Variants in NXPE2 observed in about 807,000 individuals in gnomAD.
NXPE2 encodes the protein NXPE family member 2.
NXPE2 carries 34 observed loss-of-function variants against 34.4 expected under a neutral mutation model. The ratio of observed to expected loss-of-function variants is 0.99; its 90% confidence interval spans 0.75 to 1.31. The LOEUF is 1.31. NXPE2 is among the 40% of genes most tolerant of loss of function. NXPE2 has a pLI of 0.00. For missense variants in NXPE2, 649 were observed against 672.5 expected, an observed-to-expected ratio of 0.97 and a Z score of 0.39; for synonymous variants, 235 against 231.3, an observed-to-expected ratio of 1.02 and a Z score of -0.15.
chr11:114,497,446 A>G, the NXPE2 span, among the ~76,000 whole-genome samples: 1 of 152,184 alleles, frequency 6.6e-6, no homozygotes. Flanking sequence ...AGTACCCTAT[A>G]CAGGTGTACC....
the NXPE2 span, among the ~76,000 whole-genome samples, chr11:114,641,199 G>A: frequency 6.6e-6 from 1 of 151,630 alleles, no homozygotes; most frequent in Non-Finnish European, 1.5e-5. Flanking sequence ...TAATCAAGAA[G>A]GAATATAGAG....
At chr11:114,495,601 CAGCTG>C in the NXPE2 span, among the ~76,000 whole-genome samples, 3 of 151,906 alleles carry the variant, frequency 2.0e-5, no homozygotes, top group African/African-American at 7.3e-5. Flanking sequence ...ATAGCCACCA[CAGCTG>C]AGAATGTGCT....
chr11:114,662,850 T>A, the NXPE2 span, among the ~76,000 whole-genome samples: 2 of 152,158 alleles, frequency 1.3e-5, no homozygotes, highest in Non-Finnish European at 2.9e-5. Flanking sequence ...GCAACAGTTA[T>A]CACCTGCTAT....
the NXPE2 span, among the ~76,000 whole-genome samples, chr11:114,510,429 C>T: frequency 6.6e-6 from 1 of 152,104 alleles, no homozygotes; most frequent in Non-Finnish European, 1.5e-5. Context: ...AGAGATGGGT[C>T]TCCCTTTGTT....
the NXPE2 span, among the ~76,000 whole-genome samples, chr11:114,764,069 G>C: frequency 6.6e-6 from 1 of 152,134 alleles, no homozygotes; most frequent in Non-Finnish European, 1.5e-5. Context: ...TTTATACCTA[G>C]TAACTCCTGT....
the NXPE2 span, among the ~76,000 whole-genome samples, chr11:114,737,519 A>T: frequency 6.6e-6 from 1 of 152,208 alleles, no homozygotes; most frequent in Non-Finnish European, 1.5e-5. Flanking sequence ...ACAGTGTGCC[A>T]GTCACTCAGC....
chr11:114,584,733 C>G, the NXPE2 span: 2 of 152,866 alleles, frequency 1.3e-5, no homozygotes, highest in Non-Finnish European at 2.9e-5. Context: ...TGCCTAGTCC[C>G]CAATCTTTCT....
chr11:114,712,892 G>C, the NXPE2 span, among the ~76,000 whole-genome samples: 1 of 152,160 alleles, frequency 6.6e-6, no homozygotes, highest in Non-Finnish European at 1.5e-5. Context: ...TCCATCAACA[G>C]GTGAATAGAT....
the NXPE2 span, among the ~76,000 whole-genome samples, chr11:114,787,148 G>C: frequency 6.6e-6 from 1 of 151,992 alleles, no homozygotes; most frequent in Non-Finnish European, 1.5e-5. Context: ...TTATCAAGTT[G>C]AGAGAGGACA....
chr11:114,507,291 C>T, the NXPE2 span, among the ~76,000 whole-genome samples: 31 of 149,162 alleles, frequency 2.1e-4, no homozygotes, highest in African/African-American at 5.4e-4. Context: ...ACAGATTCAT[C>T]GGTGAATTCT....
chr11:114,806,859 TGAGAA>T, the NXPE2 span, among the ~76,000 whole-genome samples: 2 of 151,912 alleles, frequency 1.3e-5, no homozygotes, highest in Non-Finnish European at 2.9e-5. Context: ...AGATACTCCT[TGAGAA>T]GAGCAACTCC....
the NXPE2 span, among the ~76,000 whole-genome samples, chr11:114,533,516 C>T: frequency 2.6e-5 from 4 of 152,182 alleles, no homozygotes; most frequent in Non-Finnish European, 5.9e-5. Flanking sequence ...CACAAGCGGT[C>T]AGGGAATTTC....
chr11:114,503,615 T>C, the NXPE2 span, among the ~76,000 whole-genome samples: 1 of 151,358 alleles, frequency 6.6e-6, no homozygotes, highest in East Asian at 1.9e-4. Flanking sequence ...AGCAAAAATA[T>C]AAAGAGGTAT....
the NXPE2 span, among the ~76,000 whole-genome samples, chr11:114,767,224 A>G: frequency 6.6e-6 from 1 of 152,142 alleles, no homozygotes; most frequent in Admixed American, 6.5e-5. Flanking sequence ...AGCACTTTAT[A>G]AATAATAGTG....
chr11:114,504,419 G>GC, the NXPE2 span, among the ~76,000 whole-genome samples: 1 of 151,888 alleles, frequency 6.6e-6, no homozygotes, highest in Non-Finnish European at 1.5e-5. Flanking sequence ...CTCCAGCAGG[G>GC]CCCCCCCACA....
At chr11:114,732,333 C>T in the NXPE2 span, among the ~76,000 whole-genome samples, 1 of 152,116 alleles carries the variant, frequency 6.6e-6, no homozygotes, top group African/African-American at 2.4e-5. Flanking sequence ...TTCTGAAGGA[C>T]CTCCTATTAC....
chr11:114,806,443 T>C, the NXPE2 span, among the ~76,000 whole-genome samples: 1 of 10,474 alleles, frequency 9.5e-5, no homozygotes, highest in Non-Finnish European at 2.8e-3. Context: ...GTTAAAAGCT[T>C]TGAAAAAAAA....
chr11:114,578,408 C>A, the NXPE2 span, among the ~76,000 whole-genome samples: 1 of 152,006 alleles, frequency 6.6e-6, no homozygotes, highest in Non-Finnish European at 1.5e-5. Context: ...TTTATATGAC[C>A]CAAGAGAATC....
chr11:114,637,045 C>G, the NXPE2 span, among the ~76,000 whole-genome samples: 43 of 152,096 alleles, frequency 2.8e-4, no homozygotes, highest in African/African-American at 9.6e-4. Flanking sequence ...ATTGATCTGT[C>G]TAATGTTGAC....
Sources: gnomAD v4.1 joint callset for allele counts (sites outside exome capture counted in the v4.1 genomes callset) on GRCh38, gnomAD v4.1.1 for gene constraint, MANE v1.5 for transcripts, NCBI Gene and HGNC (gene_info 2026-07-23, HGNC 2026-07-21) for gene names.